NLRP4: variants seen among roughly 807,000 people sequenced by gnomAD.
The protein encoded by NLRP4 is NACHT, LRR and PYD domains-containing protein 4.
A neutral mutation model predicts 84.7 loss-of-function variants in NLRP4; 44 were observed. The ratio of observed to expected loss-of-function variants is 0.52; its 90% confidence interval spans 0.41 to 0.67. The LOEUF (loss-of-function observed/expected upper bound fraction) is 0.67. NLRP4 is among the 30% of genes least tolerant of loss of function. NLRP4 has a pLI of 0.00. For synonymous variants in NLRP4, 544 were observed against 476.4 expected (o/e 1.14, Z -1.85); for missense variants, 1,260 against 1,219.4 (o/e 1.03, Z -0.50).
rs147936890 is a variant in NLRP4, at chr19:55,878,962, C to T, written c.2865C>T (p.Leu955=). ...ACCCAGAGTGTGCCCTGCAGGTGCT[C>T]GGGTGAGCTGGGGTCTGTTGTGCTC... ...LRHPECALQV[L]GLRKTDFDEE... The change falls in exon 9 of 10, where the codon CTC becomes CTT. Residue 955 remains leucine, a splice_region_variant and synonymous_variant. Transcript: ENST00000301295. 36 of 1,611,822 alleles carry T rather than the reference C, an allele frequency of 2.2e-5. No individual in the cohort carries two copies. Among genetic ancestry groups the T allele is most frequent in the African/African-American group, 1.6e-4 (12 of 74,992 alleles).
At chr19:55,847,090 T>G (rs550585654) in intron 1 of NLRP4, among the ~76,000 whole-genome samples, 4 of 152,258 alleles carry the variant, frequency 2.6e-5, no homozygotes, top group South Asian at 2.1e-4. Flanking sequence ...TTTCCCCTAA[T>G]TTTTGGATCT....
At chr19:55,847,114 A>AT (rs568279525) in intron 1 of NLRP4, among the ~76,000 whole-genome samples, 2 of 151,422 alleles carry the variant, frequency 1.3e-5, no homozygotes, top group African/African-American at 4.9e-5. Context: ...ATGCTATTAA[A>AT]TTTTTTTTAA....
intron 1 of NLRP4, among the ~76,000 whole-genome samples, chr19:55,851,042 G>A (rs1984107246): frequency 7.6e-6 from 1 of 131,648 alleles, no homozygotes; most frequent in African/African-American, 3.6e-5. Flanking sequence ...AGGCTGCGGT[G>A]TAATGTCCGA....
At chr19:55,859,270 T>C in intron 3 of NLRP4, 21 bp downstream of exon 3, 2 of 1,560,508 alleles carry the variant, frequency 1.3e-6, no homozygotes, top group South Asian at 2.4e-5. Flanking sequence ...CCTATGACTT[T>C]TTCTCTCTTC....
At chr19:55,847,481 TAATATG>T (rs1017088461) in intron 1 of NLRP4, among the ~76,000 whole-genome samples, 1 of 152,200 alleles carries the variant, frequency 6.6e-6, no homozygotes, top group African/African-American at 2.4e-5. Context: ...TTTATATATC[TAATATG>T]AATAACTATT....
intron 5 of NLRP4, among the ~76,000 whole-genome samples, chr19:55,866,618 G>A (rs1487422939): frequency 6.6e-6 from 1 of 152,154 alleles, no homozygotes; most frequent in Admixed American, 6.5e-5. Flanking sequence ...GGAGTCCTAG[G>A]GGACTCGGGT....
intron 2 of NLRP4, chr19:55,857,325 A>ATGTG (rs35115500): frequency 0.025 from 6,673 of 272,358 alleles, 96 homozygotes; most frequent in African/African-American, 0.056. Context: ...GTAGCAATGA[A>ATGTG]TGTGTGTGTG....
chr19:55,845,523 A>G (rs372963490), intron 1 of NLRP4, among the ~76,000 whole-genome samples: 1 of 151,906 alleles, frequency 6.6e-6, no homozygotes, highest in Admixed American at 6.6e-5. Context: ...ATGATTTATA[A>G]TCCTTTGGGT....
intron 1 of NLRP4, among the ~76,000 whole-genome samples, chr19:55,851,389 C>A (rs867437147): frequency 2.1e-4 from 14 of 65,344 alleles, no homozygotes; most frequent in East Asian, 2.0e-3. Context: ...GGTGTAATGT[C>A]CGAGGCTGCG....
chr19:55,858,703 T>C lies in NLRP4; in HGVS notation c.1310T>C (p.Ile437Thr). 1 of 1,614,166 alleles carries C rather than the reference T, an allele frequency of 6.2e-7. No homozygotes were observed. Among genetic ancestry groups the C allele is most frequent in the East Asian group, 2.2e-5 (1 of 44,876 alleles). ...ATCCCTGCGCTGCTGGGCACCAAGA[T>C]ACTTCTGAAGTACGGGGAGCGTGAG... ...ADIPALLGTK[I>T]LLKYGERESS... is the part of the protein sequence containing the mutation. Residue 437 changes from isoleucine (I) to threonine (T), a missense_variant, in exon 3 of 10, where the codon ATA becomes ACA. Ile to Thr is a moderately conservative substitution (Grantham distance 89, BLOSUM62 -1). Transcript: ENST00000301295. The surrounding 1 kb of genome is among the most constrained non-coding windows in gnomAD (Gnocchi z 4.2).
chr19:55,850,692 T>TGCGGTGTACTTCCCGA lies in NLRP4; in HGVS notation c.-65-1323_-65-1322insCGGTGTACTTCCCGAG, dbSNP rs1984067386. On this transcript the variant is annotated intron_variant, in intron 1 of 9. Transcript: ENST00000301295. The stretch of plus-strand genomic sequence containing the variant: ...GTCCGTGGCTGCGGTGTAATGTCCG[T>TGCGGTGTACTTCCCGA]GGCTGCGGTGTACTTCCCGAGGCTG... 2.7e-5 allele frequency among the ~76,000 whole-genome samples: 2 copies of TGCGGTGTACTTCCCGA among 72,784 alleles called. 1 individual carries two copies. The highest frequency in any genetic ancestry group is 1.9e-4 in the African/African-American group (2 of 10,590). The allele number at this position is 72,784 out of a possible 152,430, so 47.7% of individuals were successfully genotyped here. A position where few individuals can be genotyped will look rare whatever the true frequency, so the allele number is the denominator to read the frequency against.
intron 1 of NLRP4, among the ~76,000 whole-genome samples, chr19:55,840,292 A>G (rs1331610694): frequency 6.6e-6 from 1 of 151,338 alleles, no homozygotes; most frequent in African/African-American, 2.4e-5. Context: ...AATTCTCCTT[A>G]TGGTGCTGAC....
At chr19:55,876,705 A>G (rs1283720333) in intron 7 of NLRP4, among the ~76,000 whole-genome samples, 1 of 152,062 alleles carries the variant, frequency 6.6e-6, no homozygotes, top group Non-Finnish European at 1.5e-5. Context: ...TTCCCATAAT[A>G]CTGTAAATCA....
chr19:55,858,944 G>T lies in NLRP4; in HGVS notation c.1551G>T (p.Ala517=). 6.2e-7 allele frequency: 1 copy of T among 1,614,046 alleles called. No homozygotes were observed. The highest frequency in any genetic ancestry group is 1.3e-5 in the African/African-American group (1 of 75,018). The part of the protein sequence containing the change: ...LNKKEQEKLD[A]FFGFQLSQEI... ...AAAAGGAACAAGAAAAACTGGATGC[G>T]TTTTTTGGCTTCCAACTGTCCCAAG... The change falls in exon 3 of 10, where the codon GCG becomes GCT. Residue 517 remains alanine, a synonymous_variant. Coordinates refer to ENST00000301295, the MANE Select transcript of NLRP4 (RefSeq NM_134444.5). This position sits in a 1 kb window ranked among gnomAD's most constrained non-coding sequence, Gnocchi z 4.2.
chr19:55,880,951 T>C (rs1215664221), intron 9 of NLRP4, among the ~76,000 whole-genome samples: 1 of 152,236 alleles, frequency 6.6e-6, no homozygotes, highest in Non-Finnish European at 1.5e-5. Flanking sequence ...ACTCGGATAA[T>C]GGAAACTATT....
At chr19:55,850,278 C>T (rs1984029112) in intron 1 of NLRP4, among the ~76,000 whole-genome samples, 6 of 118,768 alleles carry the variant, frequency 5.1e-5, no homozygotes, top group Non-Finnish European at 9.7e-5. Flanking sequence ...TCCGAGGCTG[C>T]GGTGTAATGT....
At chr19:55,847,651 C>T (rs760719195) in intron 1 of NLRP4, among the ~76,000 whole-genome samples, 29 of 151,902 alleles carry the variant, frequency 1.9e-4, no homozygotes, top group Non-Finnish European at 3.7e-4. Flanking sequence ...ACTAATAAAC[C>T]AGTATTAATA....
rs1935690075 is a variant in NLRP4 at position 55,857,877 on chromosome 19, AC to A, written c.485del (p.Thr162ArgfsTer4). 6.2e-7 allele frequency: 1 copy of A among 1,613,998 alleles called. No individual in the cohort carries two copies. The highest frequency in any genetic ancestry group is 1.3e-5 in the African/African-American group (1 of 74,924). Reference sequence around the variant, plus strand: ...TCAAGGACCACAAGGAATTGGAAAAACGACACTCCTGATGAAGCTGATGATG... The same window carrying A: ...TCAAGGACCACAAGGAATTGGAAAAAGACACTCCTGATGAAGCTGATGATG... ...IIQGPQGIGK[T>X]TLLMKLMMAW... On this transcript the variant is annotated frameshift_variant, in exon 3 of 10. Transcript: ENST00000301295. LOFTEE classifies it high-confidence loss of function.
At chr19:55,850,113 A>AATTTCCGTGGCTGCGGTGTAATTTCCGAG (rs1984008028) in intron 1 of NLRP4, among the ~76,000 whole-genome samples, 1 of 52,306 alleles carries the variant, frequency 1.9e-5, no homozygotes. Context: ...TAATTACCGT[A>AATTTCCGTGGCTGCGGTGTAATTTCCGAG]GCTGCGGTGT....
Sources: gnomAD v4.1 joint callset for allele counts (sites outside exome capture counted in the v4.1 genomes callset) on GRCh38, gnomAD v4.1.1 for gene constraint, Gnocchi (gnomAD v3.1) non-coding constraint, MANE v1.5 for transcripts, NCBI Gene and HGNC (gene_info 2026-07-23, HGNC 2026-07-21) for gene names.